MASP1: variants seen among roughly 807,000 people sequenced by gnomAD.
The protein encoded by MASP1 is mannan-binding lectin serine protease 1.
MASP1 carries 59 observed loss-of-function variants against 77.1 expected under a neutral mutation model. The observed-to-expected ratio is 0.77, with a 90% CI of 0.62 to 0.95. The LOEUF is 0.95. MASP1 is among the 40% of genes least tolerant of loss of function. The pLI is 0.00. For missense variants in MASP1, 885 were observed against 912.9 expected (o/e 0.97, Z 0.39); for synonymous variants, 362 against 354.5 (o/e 1.02, Z -0.24).
intron 10 of MASP1, among the ~76,000 whole-genome samples, chr3:187,239,252 C>G (rs1173137884): frequency 2.6e-5 from 4 of 151,508 alleles, no homozygotes; most frequent in Non-Finnish European, 4.4e-5. Context: ...ACTCGAGAGG[C>G]TGAGGCAAGA....
chr3:187,262,542 C>G lies in MASP1; in HGVS notation c.415+1G>C. ...GAGGATGAGTCACTTCTCCAACTTA[C>G]CCACAGCCATGTAGTGGGCATCAAA... On this transcript the variant is annotated splice_donor_variant, in intron 3 of 10. Transcript: ENST00000296280. LOFTEE classifies it high-confidence loss of function. 2.5e-6 allele frequency: 4 copies of G among 1,613,998 alleles called. No homozygotes were observed. The highest frequency in any genetic ancestry group is 3.4e-6 in the Non-Finnish European group (4 of 1,179,946).
chr3:187,248,430 A>C (rs553829881), intron 8 of MASP1, among the ~76,000 whole-genome samples: 26 of 152,320 alleles, frequency 1.7e-4, no homozygotes, highest in African/African-American at 6.3e-4. Flanking sequence ...AACTGAGGCC[A>C]AAGAGTCTGA....
intron 9 of MASP1, chr3:187,242,324 C>T (rs1393142158): frequency 6.6e-6 from 1 of 152,214 alleles, no homozygotes; most frequent in East Asian, 1.9e-4. Flanking sequence ...CCAGCCTGAC[C>T]AACATGGCAA....
intron 1 of MASP1, among the ~76,000 whole-genome samples, chr3:187,287,747 T>C (rs528300388): frequency 6.6e-6 from 1 of 152,352 alleles, no homozygotes; most frequent in East Asian, 1.9e-4. Flanking sequence ...AAGTCAATGC[T>C]GGGAAACCAT....
Position 187,236,575 on chromosome 3 carries a change from G to GAGAAA in MASP1, c.1304-13_1304-9dup, listed in dbSNP as rs770203956. On this transcript the variant is annotated splice_polypyrimidine_tract_variant and intron_variant, in intron 10 of 10. Coordinates refer to ENST00000296280, the MANE Select transcript of MASP1 (RefSeq NM_139125.4). ...GGGAGGGCTGACCACACTCTGTAAG[G>GAGAAA]AGAAAGAGGGAGCAGGGACAAGAGA... 6.2e-7 allele frequency: 1 copy of GAGAAA among 1,613,786 alleles called. No homozygotes were observed. The highest frequency in any genetic ancestry group is 8.5e-7 in the Non-Finnish European group (1 of 1,179,942).
chr3:187,269,317 C>A (rs16861811), intron 2 of MASP1, among the ~76,000 whole-genome samples: 2 of 152,124 alleles, frequency 1.3e-5, no homozygotes, highest in African/African-American at 2.4e-5. Context: ...GTGGAGTGAA[C>A]TATATTCTGC....
intron 12 of MASP1, chr3:187,226,311 G>A (rs543490252): frequency 1.0e-5 from 9 of 895,046 alleles, no homozygotes; most frequent in Admixed American, 6.0e-5. Context: ...AAATGAGTGA[G>A]CGAGTGAGTG....
At chr3:187,259,807 T>C (rs710465) in intron 4 of MASP1, among the ~76,000 whole-genome samples, 149,142 of 152,272 alleles carry the variant, frequency 0.98, 73,099 homozygotes, top group Middle Eastern at 1. Flanking sequence ...TCCAGACTTG[T>C]GCTCCCCCAG....
At chr3:187,249,961 G>A (rs764711627) in intron 8 of MASP1, among the ~76,000 whole-genome samples, 12 of 152,210 alleles carry the variant, frequency 7.9e-5, no homozygotes, top group Non-Finnish European at 1.5e-4. Context: ...TTTGAACCTG[G>A]ACACGTGCTA....
chr3:187,260,341 G>C (rs1192051167), intron 4 of MASP1, among the ~76,000 whole-genome samples: 1 of 152,196 alleles, frequency 6.6e-6, no homozygotes, highest in Non-Finnish European at 1.5e-5. Context: ...CTCTATTGTA[G>C]AGGAACTTAG....
chr3:187,286,118 A>C, intron 1 of MASP1, 62 bp from the exon 2 acceptor site: 1,627 of 1,258,738 alleles, frequency 1.3e-3, no homozygotes, highest in Non-Finnish European at 1.7e-3. Context: ...CATTCATCTC[A>C]ATCACAGCCA....
chr3:187,227,532 G>T (rs1420139472), intron 11 of MASP1, among the ~76,000 whole-genome samples: 2 of 152,142 alleles, frequency 1.3e-5, no homozygotes, highest in Admixed American at 6.5e-5. Context: ...ACACAGGGGT[G>T]GGGGAGGCTG....
At chr3:187,289,280 G>A (rs144646593) in intron 1 of MASP1, among the ~76,000 whole-genome samples, 195 of 152,126 alleles carry the variant, frequency 1.3e-3, no homozygotes, top group African/African-American at 4.5e-3. Flanking sequence ...GTCCGTACAC[G>A]CCCCTTGTTT....
At chr3:187,227,310 G>C (rs796190148) in intron 11 of MASP1, among the ~76,000 whole-genome samples, 13 of 152,320 alleles carry the variant, frequency 8.5e-5, no homozygotes, top group African/African-American at 3.1e-4. Flanking sequence ...CAGGGTCAGG[G>C]CCAGGGCCAG....
At chr3:187,271,801 G>A (rs182292002) in intron 2 of MASP1, among the ~76,000 whole-genome samples, 1 of 152,270 alleles carries the variant, frequency 6.6e-6, no homozygotes, top group Admixed American at 6.5e-5. Flanking sequence ...GAAGTGCAGG[G>A]TCATTCATCT....
At chr3:187,288,754 A>T (rs1310659738) in intron 1 of MASP1, among the ~76,000 whole-genome samples, 1 of 152,196 alleles carries the variant, frequency 6.6e-6, no homozygotes, top group East Asian at 1.9e-4. Context: ...GACCACATCG[A>T]GGAGACACTG....
In MASP1 at chr3:187,285,909, A is replaced by T. The variant is rs771663857; in HGVS notation, c.153T>A (p.Thr51=). 12 of 1,614,102 alleles carry T rather than the reference A, an allele frequency of 7.4e-6. No individual in the cohort carries two copies. Among genetic ancestry groups the T allele is most frequent in the African/African-American group, 1.3e-5 (1 of 74,952 alleles). ...PSDSEVTWNI[T]VPDGFRIKLY... is the part of the protein sequence containing the mutation. ...GCTTGATCCGAAACCCATCTGGGAC[A>T]GTGATATTCCAAGTCACCTCTGAAT... The change falls in exon 2 of 11, where the codon ACT becomes ACA. Residue 51 remains threonine, a synonymous_variant. Coordinates refer to ENST00000296280, the MANE Select transcript of MASP1 (RefSeq NM_139125.4).
intron 9 of MASP1, 148 bp downstream of exon 9, chr3:187,243,336 T>G: frequency 3.7e-6 from 3 of 805,926 alleles, no homozygotes; most frequent in Admixed American, 1.9e-5. Context: ...AGTGAGAACC[T>G]GAGATGTGTG....
chr3:187,255,875 A>G (rs1290604093), intron 5 of MASP1, among the ~76,000 whole-genome samples: 1 of 151,550 alleles, frequency 6.6e-6, no homozygotes, highest in African/African-American at 2.4e-5. Flanking sequence ...CACAGTTTAA[A>G]TCAGCACCTC....
Sources: allele counts gnomAD v4.1 joint callset (sites outside exome capture counted in the v4.1 genomes callset), GRCh38; gene constraint gnomAD v4.1.1; transcripts MANE v1.5; gene names NCBI Gene and HGNC (gene_info 2026-07-23, HGNC 2026-07-21).